Variants in FGR observed in about 807,000 individuals in gnomAD.
FGR encodes FGR proto-oncogene, Src family tyrosine kinase.
A neutral mutation model predicts 63.2 loss-of-function variants in FGR; 26 were observed. That is an observed-to-expected ratio of 0.41 (90% CI 0.30 to 0.57). FGR has a LOEUF of 0.57. Among genes scored for constraint, FGR ranks in the 20% least tolerant of loss-of-function variants. The pLI is 0.27. For synonymous variants in FGR, 286 were observed against 277.7 expected, an observed-to-expected ratio of 1.03 and a Z score of -0.30; for missense variants, 511 against 690.8, an observed-to-expected ratio of 0.74 and a Z score of 2.92.
chr1:27,631,253 A>G (rs1255631607), intron 1 of FGR, among the ~76,000 whole-genome samples: 1 of 152,284 alleles, frequency 6.6e-6, no homozygotes, highest in South Asian at 2.1e-4. Context: ...AGTGAATGTC[A>G]TACTTCCGGT....
At chr1:27,622,982 C>T in intron 4 of FGR, 60 bp downstream of exon 4, 2 of 1,230,582 alleles carry the variant, frequency 1.6e-6, no homozygotes, top group Non-Finnish European at 1.2e-6. Flanking sequence ...AGGTGGGATT[C>T]CTGTCTGTGT....
intron 3 of FGR, chr1:27,623,352 G>C (rs78321516): frequency 1.7e-6 from 1 of 599,972 alleles, no homozygotes; most frequent in African/African-American, 1.9e-5. Context: ...TCCCACCATG[G>C]AGGATCCCCT....
At position 27,614,897 on chromosome 1, in the gene FGR, C is replaced by T. The variant is rs1394276965; in HGVS notation, c.1048G>A (p.Glu350Lys). Residue 350 changes from glutamate (E) to lysine (K), a missense_variant, in exon 10 of 13, where the codon GAG becomes AAG. By Grantham distance (56) the Glu-to-Lys change is moderately conservative (BLOSUM62 1). Transcript: ENST00000374005. The stretch of plus-strand genomic sequence containing the variant: ...TGGGGCAGCCTCAAATCCTGGCCCT[C>T]TGGGTTCTTGAGAAAATCCAGCAAG... ...GSLLDFLKNP[E>K]GQDLRLPQLV... 6.3e-7 allele frequency: 1 copy of T among 1,599,814 alleles called. No individual in the cohort carries two copies.
At chr1:27,613,635 T>C (rs912816411) in intron 11 of FGR, among the ~76,000 whole-genome samples, 4 of 147,658 alleles carry the variant, frequency 2.7e-5, no homozygotes, top group Non-Finnish European at 5.9e-5. Flanking sequence ...CCTGGGAGGC[T>C]TCAATAACCT....
intron 5 of FGR, among the ~76,000 whole-genome samples, chr1:27,621,222 A>C (rs2089919437): frequency 6.6e-6 from 1 of 152,126 alleles, no homozygotes; most frequent in South Asian, 2.1e-4. Context: ...CTGGGTTCAT[A>C]CATCAGCTCC....
chr1:27,613,404 TG>T, intron 11 of FGR, 54 bp from the exon 12 acceptor site: 8 of 1,598,548 alleles, frequency 5.0e-6, no homozygotes, highest in Non-Finnish European at 6.0e-6. Flanking sequence ...TGGAAACAGC[TG>T]GATTAAGAGA....
chr1:27,614,026 G>A (rs890626327), intron 11 of FGR, among the ~76,000 whole-genome samples: 1 of 152,188 alleles, frequency 6.6e-6, no homozygotes, highest in Non-Finnish European at 1.5e-5. Context: ...TGAGTAGTTA[G>A]GTAACTTGCC....
chr1:27,613,715 AAAAG>A (rs1350941287), intron 11 of FGR, among the ~76,000 whole-genome samples: 3 of 146,978 alleles, frequency 2.0e-5, no homozygotes, highest in Non-Finnish European at 4.6e-5. Context: ...AAAAAAAAAA[AAAAG>A]AGACAGAGAG....
rs768782391 is a variant in FGR, at chr1:27,614,437, G to C, written c.1242C>G (p.Pro414=). The C allele has an allele frequency of 6.2e-7, 1 of 1,612,666 alleles. No homozygotes were observed. The highest frequency in any genetic ancestry group is 2.2e-5 in the East Asian group (1 of 44,858). ...TGGGGTGAAGCAGGGCACCTTGGCA[G>C]GGGTTGTACTCATCGTCCTTGATGA... ...ARLIKDDEYN[P]CQGSKFPIKW... The change falls in exon 11 of 13, where the codon CCC becomes CCG. Residue 414 remains proline, a synonymous_variant. Coordinates refer to ENST00000374005, the MANE Select transcript of FGR (RefSeq NM_005248.3).
rs1462244041 is a variant in FGR at position 27,616,835 on chromosome 1, G to T, written c.682+22C>A. On this transcript the variant is annotated intron_variant, in intron 7 of 12. Coordinates refer to ENST00000374005, the MANE Select transcript of FGR (RefSeq NM_005248.3). The surrounding 1 kb of genome is among the most constrained non-coding windows in gnomAD (Gnocchi z 4.3). ...CAATGCTTCAGTTGGTTGGTTCAGGGATCTGAGGCCCCTGCCCTCACCCAT... is the reference window on the plus strand; with the variant it reads ...CAATGCTTCAGTTGGTTGGTTCAGGTATCTGAGGCCCCTGCCCTCACCCAT... 1.2e-6 allele frequency: 2 copies of T among 1,612,900 alleles called. No individual in the cohort carries two copies. Among genetic ancestry groups the T allele is most frequent in the Middle Eastern group, 1.6e-4 (1 of 6,074 alleles).
At chr1:27,624,555 G>A (rs1274990524) in intron 2 of FGR, among the ~76,000 whole-genome samples, 1 of 152,164 alleles carries the variant, frequency 6.6e-6, no homozygotes, top group Non-Finnish European at 1.5e-5. Flanking sequence ...GCCTGTGTGG[G>A]TATGCATGTG....
intron 3 of FGR, 88 bp downstream of exon 3, chr1:27,623,603 G>A: frequency 3.8e-6 from 5 of 1,323,834 alleles, no homozygotes; most frequent in Non-Finnish European, 5.4e-6. Flanking sequence ...CCTCCTGGAG[G>A]CTCCTAAGGG....
chr1:27,616,931 A>C lies in FGR; in HGVS notation c.608T>G (p.Leu203Arg). Residue 203 changes from leucine (L) to arginine (R), a missense_variant, in exon 7 of 13, where the codon CTG becomes CGG. Physicochemically the swap from Leu to Arg is moderately radical, Grantham distance 102 (BLOSUM62 -2). Coordinates refer to ENST00000374005, the MANE Select transcript of FGR (RefSeq NM_005248.3). The surrounding 1 kb of genome is among the most constrained non-coding windows in gnomAD (Gnocchi z 4.3). The stretch of plus-strand genomic sequence containing the variant: ...GGTGATGTAGTAGCCGCCCATGTCC[A>C]GTTTGCGGATCTTGTAATGCTTCAC... Reference protein sequence around the residue: ...DHVKHYKIRKLDMGGYYITTR... With the variant: ...DHVKHYKIRKRDMGGYYITTR... The C allele has an allele frequency of 3.7e-6, 6 of 1,614,122 alleles. No homozygotes were observed. The highest frequency in any genetic ancestry group is 1.7e-5 in the Admixed American group (1 of 60,026).
Position 27,617,011 on chromosome 1 carries a change from G to A in FGR, c.533-5C>T. 1 of 1,614,114 alleles carries A rather than the reference G, an allele frequency of 6.2e-7. No individual in the cohort carries two copies. Among genetic ancestry groups the A allele is most frequent in the Non-Finnish European group, 8.5e-7 (1 of 1,180,014 alleles). On this transcript the variant is annotated splice_region_variant and splice_polypyrimidine_tract_variant and intron_variant, in intron 6 of 12. Coordinates refer to ENST00000374005, the MANE Select transcript of FGR (RefSeq NM_005248.3). This position sits in a 1 kb window ranked among gnomAD's most constrained non-coding sequence, Gnocchi z 4.5. ...GGATGGACAGGGAGTAGGCACCTGT[G>A]GAGAGGATCACTTTTGATCTGCTGT...
At chr1:27,627,755 C>A (rs1167040515) in intron 1 of FGR, among the ~76,000 whole-genome samples, 1 of 152,102 alleles carries the variant, frequency 6.6e-6, no homozygotes, top group Admixed American at 6.5e-5. Flanking sequence ...ATTACAGGCA[C>A]CCAACACCAT....
At chr1:27,620,991 CAAAAAAAA>C (rs59265327) in intron 5 of FGR, among the ~76,000 whole-genome samples, 2 of 22,020 alleles carry the variant, frequency 9.1e-5, no homozygotes, top group Non-Finnish European at 2.3e-4. Flanking sequence ...GACCCTGTCT[CAAAAAAAA>C]AAAAAAAAAA....
chr1:27,626,374 T>C, intron 1 of FGR: 1 of 396,388 alleles, frequency 2.5e-6, no homozygotes, highest in East Asian at 3.6e-5. Flanking sequence ...CCAGCTTCTC[T>C]CTCTCGATCC....
At position 27,615,091 on chromosome 1, in the gene FGR, A is replaced by G. The variant is rs894099450; in HGVS notation, c.1019-165T>C. On this transcript the variant is annotated intron_variant, in intron 9 of 12. Coordinates refer to ENST00000374005, the MANE Select transcript of FGR (RefSeq NM_005248.3). The surrounding 1 kb of genome is among the most constrained non-coding windows in gnomAD (Gnocchi z 7.6). ...CTTGTCTCGTCCTGGCCCTGCTGCCAGACACGGACTCTGCCCACATCTCGT... is the reference window on the plus strand; with the variant it reads ...CTTGTCTCGTCCTGGCCCTGCTGCCGGACACGGACTCTGCCCACATCTCGT... Among the ~76,000 whole-genome samples the G allele has an allele frequency of 7.3e-6, 1 of 136,388 alleles. No individual in the cohort carries two copies. The highest frequency in any genetic ancestry group is 2.8e-5 in the African/African-American group (1 of 36,236). 89.5% of individuals were successfully genotyped at this position (136,388 alleles called of 152,430 possible).
chr1:27,619,081 G>C (rs2089871441), intron 5 of FGR, among the ~76,000 whole-genome samples: 1 of 152,176 alleles, frequency 6.6e-6, no homozygotes, highest in Non-Finnish European at 1.5e-5. Context: ...CTTCTCCAAT[G>C]GCTCCTTCTC....
Sources: allele counts gnomAD v4.1 joint callset (sites outside exome capture counted in the v4.1 genomes callset), GRCh38; gene constraint gnomAD v4.1.1; non-coding constraint Gnocchi (gnomAD v3.1); transcripts MANE v1.5; gene names NCBI Gene and HGNC (gene_info 2026-07-23, HGNC 2026-07-21).